Variants in UGGT1 observed in about 807,000 individuals in gnomAD.
UGGT1 encodes UDP-glucose glycoprotein glucosyltransferase 1, also known as UDP-glucose:glycoprotein glucosyltransferase 1.
A neutral mutation model predicts 203.9 loss-of-function variants in UGGT1; 107 were observed. The observed-to-expected ratio is 0.52, with a 90% CI of 0.45 to 0.62. The LOEUF is 0.62. Among genes scored for constraint, UGGT1 ranks in the 20% least tolerant of loss-of-function variants. The probability of loss-of-function intolerance (pLI) is 0.00; values close to 1 mark genes in which losing one functional copy is unlikely to be tolerated. For synonymous variants in UGGT1, 628 were observed against 653.5 expected (o/e 0.96, Z 0.59); for missense variants, 1,673 against 1,867.2 (o/e 0.90, Z 1.92).
intron 2 of UGGT1, 137 bp downstream of exon 2, chr2:128,097,701 G>A: frequency 9.1e-7 from 1 of 1,104,102 alleles, no homozygotes; most frequent in Non-Finnish European, 1.3e-6. Flanking sequence ...TATACTGTAG[G>A]ATGTATTGTA....
rs1308250820 is a variant in UGGT1, at chr2:128,183,549, G to A, written c.4245-126G>A. ...TAGCACACTTTAACTCCACTGTAGG[G>A]CTGTAGCATACCTTTTCAAAGAAAA... On this transcript the variant is annotated intron_variant, in intron 37 of 40. Coordinates refer to ENST00000259253, the MANE Select transcript of UGGT1 (RefSeq NM_020120.4). The A allele has an allele frequency of 6.2e-6, 4 of 648,972 alleles. No individual in the cohort carries two copies. The African/African-American group carries it at 7.3e-5, about 12-fold the overall frequency. The allele number at this position is 648,972 out of a possible 1,614,324, so 40.2% of individuals were successfully genotyped here.
chr2:128,116,209 T>G, intron 7 of UGGT1, 56 bp from the exon 8 acceptor site: 1 of 1,203,216 alleles, frequency 8.3e-7, no homozygotes, highest in Non-Finnish European at 1.2e-6. Flanking sequence ...ACTAGTAACG[T>G]TTTTGTTTCA....
intron 18 of UGGT1, among the ~76,000 whole-genome samples, chr2:128,148,468 C>G (rs893442240): frequency 6.6e-6 from 1 of 152,150 alleles, no homozygotes; most frequent in Admixed American, 6.6e-5. Flanking sequence ...GATGAACGAA[C>G]AGAGATTTCC....
Position 128,091,449 on chromosome 2 carries a change from CAA to C in UGGT1, c.58+36_58+37del, listed in dbSNP as rs754777060. ...GGGTGGCGTGAGGAGGCCTCGTGGA[CAA>C]AGAGAGGGTTTGGGGCACAAGGCGA... On this transcript the variant is annotated intron_variant, in intron 1 of 40. Coordinates refer to ENST00000259253, the MANE Select transcript of UGGT1 (RefSeq NM_020120.4). The C allele has an allele frequency of 1.4e-5, 22 of 1,563,260 alleles. No homozygotes were observed. The South Asian group carries it at 2.5e-4, about 18-fold the overall frequency.
At chr2:128,168,675 G>A (rs2104771722) in intron 26 of UGGT1, among the ~76,000 whole-genome samples, 1 of 152,274 alleles carries the variant, frequency 6.6e-6, no homozygotes, top group Middle Eastern at 3.4e-3. Context: ...TTCATTAGAG[G>A]TTCCTGCTCC....
At chr2:128,115,745 A>G (rs909420507) in intron 7 of UGGT1, among the ~76,000 whole-genome samples, 1 of 152,072 alleles carries the variant, frequency 6.6e-6, no homozygotes, top group African/African-American at 2.4e-5. Flanking sequence ...TGAATTTATT[A>G]TTTTATCTAC....
chr2:128,100,547 C>T (rs1687330460), intron 2 of UGGT1, among the ~76,000 whole-genome samples: 1 of 151,602 alleles, frequency 6.6e-6, no homozygotes, highest in South Asian at 2.1e-4. Context: ...GCTGGGATTA[C>T]AGGCATGCAC....
intron 10 of UGGT1, among the ~76,000 whole-genome samples, chr2:128,122,085 G>T (rs145452913): frequency 1.3e-5 from 2 of 152,266 alleles, no homozygotes; most frequent in African/African-American, 4.8e-5. Flanking sequence ...GTTTGGACCG[G>T]GCTTGGTGGC....
At chr2:128,158,777 T>C (rs1467751082) in intron 22 of UGGT1, among the ~76,000 whole-genome samples, 1 of 152,242 alleles carries the variant, frequency 6.6e-6, no homozygotes, top group Non-Finnish European at 1.5e-5. Context: ...ACTTGGATTC[T>C]TGTCTTTTCA....
intron 11 of UGGT1, among the ~76,000 whole-genome samples, chr2:128,125,279 A>AGT (rs776726432): frequency 2.6e-5 from 4 of 151,852 alleles, no homozygotes; most frequent in Non-Finnish European, 4.4e-5. Flanking sequence ...ATTTTGCTGG[A>AGT]GTAGGGGGTA....
chr2:128,171,460 T>C (rs1403650319), intron 28 of UGGT1, 176 bp downstream of exon 28: 3 of 609,104 alleles, frequency 4.9e-6, no homozygotes, highest in Admixed American at 6.9e-5. Context: ...GAACATAGTG[T>C]GTTTGTAGCA....
At chr2:128,173,214 C>G (rs1691204507) in intron 29 of UGGT1, among the ~76,000 whole-genome samples, 1 of 152,218 alleles carries the variant, frequency 6.6e-6, no homozygotes, top group Non-Finnish European at 1.5e-5. Context: ...CGACGCTTCA[C>G]TCTTTTTAAC....
intron 27 of UGGT1, among the ~76,000 whole-genome samples, 172 bp from the exon 28 acceptor site, chr2:128,171,033 T>C (rs1691070434): frequency 1.3e-5 from 2 of 152,206 alleles, no homozygotes; most frequent in South Asian, 4.1e-4. Context: ...ACGTCCTATG[T>C]ATGTGTGATG....
At chr2:128,175,372 A>G (rs1355542393) in intron 31 of UGGT1, among the ~76,000 whole-genome samples, 2 of 152,238 alleles carry the variant, frequency 1.3e-5, no homozygotes, top group African/African-American at 4.8e-5. Context: ...TTTACTGCAC[A>G]TATTTATTAG....
At chr2:128,114,934 G>C (rs1483651111) in intron 6 of UGGT1, among the ~76,000 whole-genome samples, 190 bp from the exon 7 acceptor site, 6 of 152,114 alleles carry the variant, frequency 3.9e-5, no homozygotes, top group Admixed American at 3.3e-4. Flanking sequence ...GTAGGTTTTG[G>C]ACTAAAAAAA....
chr2:128,121,160 A>C, intron 9 of UGGT1, 39 bp from the exon 10 acceptor site: 13 of 1,568,994 alleles, frequency 8.3e-6, no homozygotes, highest in South Asian at 1.1e-5. Context: ...TCATTGCATT[A>C]GATTAATCCA....
intron 26 of UGGT1, among the ~76,000 whole-genome samples, chr2:128,167,327 C>G (rs570715543): frequency 2.6e-5 from 4 of 152,086 alleles, no homozygotes; most frequent in Non-Finnish European, 5.9e-5. Context: ...ATTATAATTC[C>G]TATTAGAGAA....
At position 128,129,031 on chromosome 2, in the gene UGGT1, T is replaced by C. The variant is rs1283399774; in HGVS notation, c.1229T>C (p.Leu410Pro). Reference sequence around the variant, plus strand: ...TCTCTTTTTGTTTTTCCCCCCAGTCTGTTTGATGTGTTGAGGAATGAAGCT... The same window carrying C: ...TCTCTTTTTGTTTTTCCCCCCAGTCCGTTTGATGTGTTGAGGAATGAAGCT... Reference protein sequence around the residue: ...MDLDTQDIFSLFDVLRNEARV... With the variant: ...MDLDTQDIFSPFDVLRNEARV... The change falls in exon 13 of 41, where the codon CTG (leucine) becomes CCG (proline). Residue 410 changes from leucine to proline, a missense_variant and splice_region_variant. Transcript: ENST00000259253. The C allele has an allele frequency of 6.3e-7, 1 of 1,577,164 alleles. No individual in the cohort carries two copies. Among genetic ancestry groups the C allele is most frequent in the Non-Finnish European group, 8.6e-7 (1 of 1,167,274 alleles).
intron 18 of UGGT1, among the ~76,000 whole-genome samples, chr2:128,149,519 C>T (rs1689847911): frequency 6.6e-6 from 1 of 150,622 alleles, no homozygotes; most frequent in Admixed American, 6.6e-5. Flanking sequence ...CGCGGTGGCT[C>T]ACTTGGGAAA....
Sources: gnomAD v4.1 joint callset for allele counts (sites outside exome capture counted in the v4.1 genomes callset) on GRCh38, gnomAD v4.1.1 for gene constraint, MANE v1.5 for transcripts, NCBI Gene and HGNC (gene_info 2026-07-23, HGNC 2026-07-21) for gene names.